Variants in GRM8 observed in about 807,000 individuals in gnomAD.
The protein encoded by GRM8 is metabotropic glutamate receptor 8.
Under a neutral mutation model 87.2 loss-of-function variants are expected in GRM8, and 47 were observed. That is an observed-to-expected ratio of 0.54 (90% CI 0.43 to 0.69). The LOEUF (loss-of-function observed/expected upper bound fraction) is 0.69, where lower values mean the gene tolerates loss of function less well. GRM8 is among the 30% of genes least tolerant of loss of function. The pLI is 0.00. For synonymous variants in GRM8, 396 were observed against 404.5 expected (o/e 0.98, Z 0.25); for missense variants, 1,019 against 1,139.2 (o/e 0.89, Z 1.52).
chr7:126,465,672 C>A (rs574963812), intron 9 of GRM8, among the ~76,000 whole-genome samples: 1 of 151,494 alleles, frequency 6.6e-6, no homozygotes, highest in Non-Finnish European at 1.5e-5. Context: ...ATTCAGTGAA[C>A]TTCTTAAACT....
At chr7:126,895,526 G>A (rs570689337) in intron 6 of GRM8, among the ~76,000 whole-genome samples, 1 of 152,176 alleles carries the variant, frequency 6.6e-6, no homozygotes, top group Non-Finnish European at 1.5e-5. Context: ...TTCTAGAAAT[G>A]CTGTTAGACA....
intron 3 of GRM8, among the ~76,000 whole-genome samples, chr7:126,970,810 T>C (rs1810344975): frequency 6.6e-6 from 1 of 152,064 alleles, no homozygotes; most frequent in South Asian, 2.1e-4. Flanking sequence ...GAATCTTCCT[T>C]CCACTTGATA....
intron 8 of GRM8, among the ~76,000 whole-genome samples, chr7:126,601,127 T>A (rs1797710582): frequency 7.2e-6 from 1 of 138,434 alleles, no homozygotes; most frequent in South Asian, 2.3e-4. Flanking sequence ...TTCCCCTTCC[T>A]GTGTCCATGT....
intron 6 of GRM8, among the ~76,000 whole-genome samples, chr7:126,817,980 A>G (rs1327965939): frequency 1.3e-5 from 2 of 152,200 alleles, no homozygotes; most frequent in African/African-American, 4.8e-5. Context: ...AATTAAAAAA[A>G]CAACACTTAG....
At chr7:127,183,454 C>A (rs1177119383) in intron 2 of GRM8, among the ~76,000 whole-genome samples, 4 of 151,672 alleles carry the variant, frequency 2.6e-5, no homozygotes, top group Non-Finnish European at 5.9e-5. Context: ...CACATGGAAT[C>A]AAAGCGGAAG....
chr7:126,677,389 GA>G (rs1027708859), intron 7 of GRM8, among the ~76,000 whole-genome samples: 13 of 142,234 alleles, frequency 9.1e-5, no homozygotes, highest in African/African-American at 3.3e-4. Context: ...ATATCAAAAA[GA>G]CACCTGCACG....
intron 3 of GRM8, among the ~76,000 whole-genome samples, chr7:126,991,798 C>T (rs866485043): frequency 6.6e-6 from 1 of 152,046 alleles, no homozygotes; most frequent in Non-Finnish European, 1.5e-5. Context: ...TATGCTGATA[C>T]TCAGTGTAGC....
intron 8 of GRM8, among the ~76,000 whole-genome samples, chr7:126,544,325 G>T (rs1438626642): frequency 6.6e-6 from 1 of 152,016 alleles, no homozygotes; most frequent in African/African-American, 2.4e-5. Flanking sequence ...TTTTGAGTAG[G>T]CCTGGCTTTA....
At chr7:126,633,559 T>A (rs1478897147) in intron 7 of GRM8, among the ~76,000 whole-genome samples, 4 of 152,166 alleles carry the variant, frequency 2.6e-5, no homozygotes, top group African/African-American at 4.8e-5. Flanking sequence ...ATTGTTGTGC[T>A]AAAACAAATG....
intron 3 of GRM8, among the ~76,000 whole-genome samples, chr7:126,959,678 A>G (rs1809106875): frequency 6.6e-6 from 1 of 152,132 alleles, no homozygotes; most frequent in African/African-American, 2.4e-5. Flanking sequence ...GCACACATTT[A>G]TTTTTTCCTT....
chr7:126,851,968 G>A (rs1332622828), intron 6 of GRM8, among the ~76,000 whole-genome samples: 1 of 152,178 alleles, frequency 6.6e-6, no homozygotes, highest in Non-Finnish European at 1.5e-5. Flanking sequence ...TGTTGCTCGA[G>A]TGCTGTATTG....
chr7:127,204,532 C>T (rs938297474), intron 2 of GRM8, among the ~76,000 whole-genome samples: 5 of 152,182 alleles, frequency 3.3e-5, no homozygotes, highest in Admixed American at 2.6e-4. Context: ...GCTGTTAAGG[C>T]ACTTTTCTGT....
At chr7:126,515,568 T>C (rs1290371413) in intron 9 of GRM8, among the ~76,000 whole-genome samples, 1 of 152,102 alleles carries the variant, frequency 6.6e-6, no homozygotes, top group Non-Finnish European at 1.5e-5. Flanking sequence ...TGGGTCTCAC[T>C]TGGCTAAAAT....
chr7:126,689,545 T>C (rs1212906890), intron 7 of GRM8, among the ~76,000 whole-genome samples: 1 of 152,082 alleles, frequency 6.6e-6, no homozygotes, highest in Non-Finnish European at 1.5e-5. Context: ...CTCAAAAAAA[T>C]CATTCACTAG....
chr7:127,185,974 G>A (rs1161003737), intron 2 of GRM8, among the ~76,000 whole-genome samples: 1 of 152,080 alleles, frequency 6.6e-6, no homozygotes, highest in Admixed American at 6.6e-5. Context: ...GCCTTAACAG[G>A]GGAAAGAGCT....
rs562611461 is a variant in GRM8 at position 126,479,816 on chromosome 7, AT to A, written c.2431-33445del. On this transcript the variant is annotated intron_variant, in intron 9 of 10. Transcript: ENST00000339582. ...GTGTTATATAGAAACTATACTTAAC[AT>A]TTTGAGGAACTGCCAAATTGTCTTC... 1.2e-3 allele frequency among the ~76,000 whole-genome samples: 186 copies of A among 152,216 alleles called. 1 individual carries two copies. Among genetic ancestry groups the A allele is most frequent in the African/African-American group, 4.3e-3 (179 of 41,572 alleles).
chr7:126,877,910 T>A, intron 6 of GRM8, among the ~76,000 whole-genome samples: 1 of 152,204 alleles, frequency 6.6e-6, no homozygotes, highest in East Asian at 1.9e-4. Flanking sequence ...TTGATCATAC[T>A]TCTCACATCC....
At chr7:127,162,526 T>C (rs1232206723) in intron 2 of GRM8, among the ~76,000 whole-genome samples, 1 of 152,176 alleles carries the variant, frequency 6.6e-6, no homozygotes. Context: ...TAACCAAGTA[T>C]TAACTATAAG....
intron 9 of GRM8, among the ~76,000 whole-genome samples, chr7:126,448,961 A>G (rs1802319087): frequency 6.6e-6 from 1 of 151,852 alleles, no homozygotes; most frequent in African/African-American, 2.4e-5. Flanking sequence ...GGGTGATAAA[A>G]ATAATCTGTA....
Sources: allele counts gnomAD v4.1 joint callset (sites outside exome capture counted in the v4.1 genomes callset), GRCh38; gene constraint gnomAD v4.1.1; transcripts MANE v1.5; gene names NCBI Gene and HGNC (gene_info 2026-07-23, HGNC 2026-07-21).